Variants in IL1RAPL1 observed in about 807,000 individuals in gnomAD.
The protein encoded by IL1RAPL1 is interleukin-1 receptor accessory protein-like 1.
In IL1RAPL1, 3 loss-of-function variants were observed where a neutral mutation model predicts 48.4. The ratio of observed to expected loss-of-function variants is 0.06; its 90% CI spans 0.03 to 0.16. IL1RAPL1 has a LOEUF of 0.16. IL1RAPL1 is among the 10% of genes least tolerant of loss of function. The probability of loss-of-function intolerance (pLI) is 1.00; values close to 1 mark genes in which losing one functional copy is unlikely to be tolerated. For missense variants in IL1RAPL1, 349 were observed against 530.6 expected, an observed-to-expected ratio of 0.66 and a Z score of 3.36; for synonymous variants, 185 against 187.7, an observed-to-expected ratio of 0.99 and a Z score of 0.12.
chrX:29,142,824 C>T (rs982052480), intron 2 of IL1RAPL1, among the ~76,000 whole-genome samples: 7 of 109,920 alleles, frequency 6.4e-5, no homozygotes, highest in Admixed American at 4.9e-4. Context: ...CCTCAGCCTC[C>T]CAAGTAGCTG....
chrX:29,504,757 A>T (rs933289494), intron 5 of IL1RAPL1, among the ~76,000 whole-genome samples: 2 of 112,475 alleles, frequency 1.8e-5, no homozygotes, highest in African/African-American at 6.5e-5. Context: ...TGAAGGCAGC[A>T]TATGGGTAGG....
At chrX:29,345,873 A>G (rs1043790622) in intron 3 of IL1RAPL1, among the ~76,000 whole-genome samples, 3 of 112,204 alleles carry the variant, frequency 2.7e-5, no homozygotes, top group African/African-American at 9.7e-5. Context: ...AAATCAAACA[A>G]CTATGGAATA....
At chrX:29,042,600 G>A (rs762095650) in intron 2 of IL1RAPL1, among the ~76,000 whole-genome samples, 17 of 111,334 alleles carry the variant, frequency 1.5e-4, no homozygotes, top group African/African-American at 5.2e-4. Context: ...CATTGTAAGC[G>A]TAATTATATT....
chrX:28,716,745 G>T (rs1367452388), intron 1 of IL1RAPL1, among the ~76,000 whole-genome samples: 1 of 111,198 alleles, frequency 9.0e-6, no homozygotes, highest in African/African-American at 3.3e-5. Flanking sequence ...CAGAGTGAGA[G>T]AAAAATTTTT....
intron 3 of IL1RAPL1, among the ~76,000 whole-genome samples, chrX:29,296,676 C>G (rs1231184280): frequency 9.0e-6 from 1 of 111,107 alleles, no homozygotes; most frequent in African/African-American, 3.3e-5. Flanking sequence ...AAGTCACACT[C>G]ACAACCAATT....
intron 6 of IL1RAPL1, among the ~76,000 whole-genome samples, chrX:29,745,305 G>A (rs1285728667): frequency 9.1e-6 from 1 of 110,149 alleles, no homozygotes; most frequent in East Asian, 2.8e-4. Flanking sequence ...TGACATCTGA[G>A]AGTAAGCATG....
At chrX:29,892,256 A>AT (rs754531788) in intron 6 of IL1RAPL1, among the ~76,000 whole-genome samples, 2 of 111,627 alleles carry the variant, frequency 1.8e-5, no homozygotes, top group Non-Finnish European at 3.8e-5. Context: ...CTGGCATTGA[A>AT]TTTTTTTTAT....
chrX:29,849,187 T>C (rs1234693803), intron 6 of IL1RAPL1, among the ~76,000 whole-genome samples: 1 of 112,034 alleles, frequency 8.9e-6, no homozygotes, highest in African/African-American at 3.2e-5. Context: ...GAAATGTAGT[T>C]TTCTATTTTT....
intron 6 of IL1RAPL1, among the ~76,000 whole-genome samples, chrX:29,684,492 G>A (rs1448439230): frequency 1.9e-5 from 2 of 107,403 alleles, no homozygotes; most frequent in Non-Finnish European, 3.9e-5. Context: ...AAAATATTCA[G>A]ATTACAGCGG....
At chrX:29,087,388 G>T (rs961693796) in intron 2 of IL1RAPL1, among the ~76,000 whole-genome samples, 1 of 110,226 alleles carries the variant, frequency 9.1e-6, no homozygotes, top group Non-Finnish European at 1.9e-5. Context: ...TGCCCGCCTC[G>T]GCCTCCCAAA....
At chrX:29,193,492 GA>G (rs1930388758) in intron 2 of IL1RAPL1, among the ~76,000 whole-genome samples, 2 of 110,822 alleles carry the variant, frequency 1.8e-5, no homozygotes, top group South Asian at 7.5e-4. Context: ...AGCCTTTTAG[GA>G]AAAAATGTAC....
intron 2 of IL1RAPL1, among the ~76,000 whole-genome samples, chrX:29,133,243 A>C (rs1287820598): frequency 9.0e-6 from 1 of 111,594 alleles, no homozygotes; most frequent in Non-Finnish European, 1.9e-5. Flanking sequence ...TCTGATTCTA[A>C]TCATTATTTA....
intron 6 of IL1RAPL1, among the ~76,000 whole-genome samples, chrX:29,738,950 G>C (rs1156623333): frequency 8.9e-6 from 1 of 112,413 alleles, no homozygotes; most frequent in Non-Finnish European, 1.9e-5. Context: ...TAATGTTTTG[G>C]ATTGCACCAC....
chrX:28,740,090 A>C (rs770263307), intron 1 of IL1RAPL1, among the ~76,000 whole-genome samples: 7 of 111,312 alleles, frequency 6.3e-5, no homozygotes, highest in African/African-American at 2.0e-4. Flanking sequence ...CATACTCATT[A>C]ATATCGTAGA....
intron 5 of IL1RAPL1, among the ~76,000 whole-genome samples, chrX:29,407,481 T>A (rs762774194): frequency 5.3e-5 from 6 of 112,300 alleles, no homozygotes; most frequent in Non-Finnish European, 9.4e-5. Context: ...ATTATTCTTA[T>A]GCTATGATAT....
At chrX:29,682,513 CA>C (rs2147106448) in intron 6 of IL1RAPL1, among the ~76,000 whole-genome samples, 1 of 111,573 alleles carries the variant, frequency 9.0e-6, no homozygotes, top group South Asian at 3.8e-4. Flanking sequence ...AATTAAATAC[CA>C]CCTCTCAATT....
At chrX:29,169,526 T>C (rs1323339318) in intron 2 of IL1RAPL1, among the ~76,000 whole-genome samples, 1 of 110,607 alleles carries the variant, frequency 9.0e-6, no homozygotes, top group East Asian at 2.8e-4. Context: ...ATGCATCAGA[T>C]AAAAAAATAT....
intron 2 of IL1RAPL1, among the ~76,000 whole-genome samples, chrX:28,899,170 A>C (rs376626484): frequency 9.0e-6 from 1 of 111,299 alleles, no homozygotes; most frequent in East Asian, 2.8e-4. Context: ...CAAGACCATT[A>C]GATCTCATGA....
intron 2 of IL1RAPL1, among the ~76,000 whole-genome samples, chrX:28,891,719 A>G (rs1439005119): frequency 8.9e-6 from 1 of 111,917 alleles, no homozygotes; most frequent in South Asian, 3.7e-4. Flanking sequence ...GTTATTATGA[A>G]TAATACTGCT....
Sources: gnomAD v4.1 joint callset for allele counts (sites outside exome capture counted in the v4.1 genomes callset) on GRCh38, gnomAD v4.1.1 for gene constraint, MANE v1.5 for transcripts, NCBI Gene and HGNC (gene_info 2026-07-23, HGNC 2026-07-21) for gene names.